The following TACC2 variants were observed in gnomAD, a reference collection of about 807,000 sequenced individuals.
TACC2 encodes the protein transforming acidic coiled-coil-containing protein 2.
TACC2 carries 137 observed loss-of-function variants against 227.3 expected under a neutral mutation model. The ratio of observed to expected loss-of-function variants is 0.60; its 90% CI spans 0.52 to 0.69. TACC2 has a LOEUF of 0.69. Ranked by LOEUF, TACC2 falls within the 30% of genes least tolerant of loss-of-function variation. TACC2 has a pLI of 0.00. For missense variants in TACC2, 3,470 were observed against 3,694.4 expected, an observed-to-expected ratio of 0.94 and a Z score of 1.57; for synonymous variants, 1,523 against 1,487.5, an observed-to-expected ratio of 1.02 and a Z score of -0.55.
At position 122,008,264 on chromosome 10, in the gene TACC2, A is replaced by T. The variant is rs75008259; in HGVS notation, c.-45-13673A>T. 4.2e-3 allele frequency among the ~76,000 whole-genome samples: 563 copies of T among 134,634 alleles called. 2 individuals carry two copies. The highest frequency in any genetic ancestry group is 0.011 in the East Asian group (52 of 4,698). The allele number at this position is 134,634 out of a possible 152,430, so 88.3% of individuals were successfully genotyped here. On this transcript the variant is annotated intron_variant, in intron 1 of 22. Coordinates refer to ENST00000369005, the MANE Select transcript of TACC2 (RefSeq NM_206862.4). ...TCCCTTTGTTATTATTATTATTATT[A>T]TTTTTTTTTTTTGAGACAGAATTTT...
At chr10:122,100,391 A>G (rs559277648) in intron 5 of TACC2, among the ~76,000 whole-genome samples, 1 of 151,900 alleles carries the variant, frequency 6.6e-6, no homozygotes, top group Non-Finnish European at 1.5e-5. Flanking sequence ...CACTGGCTCT[A>G]AGGTCTAACA....
intron 14 of TACC2, among the ~76,000 whole-genome samples, chr10:122,229,061 T>G (rs1229990863): frequency 6.6e-6 from 1 of 152,078 alleles, no homozygotes; most frequent in Non-Finnish European, 1.5e-5. Context: ...TTCCGCTGGC[T>G]AGCTCCCACT....
chr10:122,237,688 T>C (rs2095884624), intron 17 of TACC2, 150 bp downstream of exon 17: 5 of 1,079,044 alleles, frequency 4.6e-6, no homozygotes, highest in Non-Finnish European at 5.2e-6. Flanking sequence ...TTGATCTTCC[T>C]AGACGCTATC....
intron 7 of TACC2, among the ~76,000 whole-genome samples, chr10:122,174,441 C>T (rs2093616761): frequency 6.6e-6 from 1 of 152,176 alleles, no homozygotes; most frequent in Admixed American, 6.5e-5. Context: ...GCATTCAGGG[C>T]CTCATTTATG....
chr10:122,248,389 A>G (rs1407566248), intron 19 of TACC2: 5 of 516,190 alleles, frequency 9.7e-6, no homozygotes, highest in African/African-American at 7.7e-5. Context: ...TGATCAGGTT[A>G]AGGAATAGTA....
chr10:122,123,369 G>A (rs1196896717), intron 5 of TACC2, among the ~76,000 whole-genome samples: 2 of 152,124 alleles, frequency 1.3e-5, no homozygotes, highest in African/African-American at 4.8e-5. Flanking sequence ...GATGCCACAG[G>A]CCACACTTGT....
chr10:122,184,471 G>A (rs902978050), intron 7 of TACC2, among the ~76,000 whole-genome samples: 2 of 152,190 alleles, frequency 1.3e-5, no homozygotes, highest in Non-Finnish European at 2.9e-5. Flanking sequence ...GCTGGGTTCC[G>A]TGTATTGTAT....
intron 7 of TACC2, among the ~76,000 whole-genome samples, chr10:122,183,065 C>CGTG (rs1180680703): frequency 6.6e-6 from 1 of 152,056 alleles, no homozygotes; most frequent in Non-Finnish European, 1.5e-5. Flanking sequence ...GTTAGATGGG[C>CGTG]GTGGTGGCAC....
chr10:122,014,468 C>T lies in TACC2; in HGVS notation c.-45-7469C>T, dbSNP rs138317051. On this transcript the variant is annotated intron_variant, in intron 1 of 22. Transcript: ENST00000369005. ...TCAGGCGATCCACCTGCCTCAGCCT[C>T]CTAAAGGGCTGGGATTACAGGCATG... 8.4e-3 allele frequency among the ~76,000 whole-genome samples: 1,276 copies of T among 152,278 alleles called. 19 individuals carry two copies. Among genetic ancestry groups the T allele is most frequent in the African/African-American group, 0.029 (1,217 of 41,552 alleles).
At chr10:122,216,440 C>T (rs2095408707) in intron 10 of TACC2, among the ~76,000 whole-genome samples, 187 bp from the exon 11 acceptor site, 2 of 150,628 alleles carry the variant, frequency 1.3e-5, no homozygotes, top group Admixed American at 6.6e-5. Context: ...AAAGGAGATT[C>T]ATAGAGGGAA....
chr10:122,113,636 G>A (rs1041438526), intron 5 of TACC2, among the ~76,000 whole-genome samples: 17 of 152,246 alleles, frequency 1.1e-4, no homozygotes, highest in Admixed American at 1.1e-3. Context: ...TTCCCACCGG[G>A]CTCTTTCCCA....
intron 1 of TACC2, among the ~76,000 whole-genome samples, chr10:122,008,264 A>ATTTTTAT (rs1554958024): frequency 7.4e-6 from 1 of 134,654 alleles, no homozygotes; most frequent in African/African-American, 2.8e-5. Context: ...TATTATTATT[A>ATTTTTAT]TTTTTTTTTT....
At chr10:122,012,418 C>CAAAGAAAAA (rs1956054425) in intron 1 of TACC2, among the ~76,000 whole-genome samples, 2 of 60,726 alleles carry the variant, frequency 3.3e-5, no homozygotes, top group Non-Finnish European at 5.8e-5. Flanking sequence ...GACTCCGTCT[C>CAAAGAAAAA]AAAAAAAAAA....
At chr10:122,170,030 C>T (rs1035622800) in intron 7 of TACC2, among the ~76,000 whole-genome samples, 3 of 152,192 alleles carry the variant, frequency 2.0e-5, no homozygotes, top group African/African-American at 4.8e-5. Context: ...GGATTACAGG[C>T]ATGAGCCTCT....
intron 1 of TACC2, among the ~76,000 whole-genome samples, chr10:122,006,342 A>C (rs1326135673): frequency 6.6e-6 from 1 of 152,072 alleles, no homozygotes; most frequent in Non-Finnish European, 1.5e-5. Context: ...CCAGCTACAC[A>C]GGAGGCTGAG....
chr10:122,046,521 A>C (rs565662531), intron 2 of TACC2, among the ~76,000 whole-genome samples: 11 of 152,128 alleles, frequency 7.2e-5, no homozygotes, highest in African/African-American at 2.6e-4. Context: ...GAAAAAAAGA[A>C]AGAGAAGTGG....
At chr10:122,090,866 C>G (rs2080735901) in intron 5 of TACC2, among the ~76,000 whole-genome samples, 1 of 152,128 alleles carries the variant, frequency 6.6e-6, no homozygotes, top group Non-Finnish European at 1.5e-5. Flanking sequence ...TTCAGCCTCC[C>G]TAGTAGCTGG....
chr10:122,225,091 T>A (rs2095600574), intron 12 of TACC2, among the ~76,000 whole-genome samples: 1 of 151,200 alleles, frequency 6.6e-6, no homozygotes, highest in Admixed American at 6.6e-5. Flanking sequence ...GAGGTGGTGA[T>A]GGTTTTTCAG....
At chr10:122,189,512 G>C (rs1396784920) in intron 7 of TACC2, among the ~76,000 whole-genome samples, 1 of 152,176 alleles carries the variant, frequency 6.6e-6, no homozygotes, top group Non-Finnish European at 1.5e-5. Context: ...GGTGGGAGGA[G>C]GAGGGGAGCT....
Sources: allele counts gnomAD v4.1 joint callset (sites outside exome capture counted in the v4.1 genomes callset), GRCh38; gene constraint gnomAD v4.1.1; transcripts MANE v1.5; gene names NCBI Gene and HGNC (gene_info 2026-07-23, HGNC 2026-07-21).